Variants in EYS observed in about 807,000 individuals in gnomAD.
EYS encodes the protein EGF-like photoreceptor maintenance factor.
In EYS, 250 loss-of-function variants were observed where a neutral mutation model predicts 282.1. The ratio of observed to expected loss-of-function variants is 0.89; its 90% CI spans 0.80 to 0.98. EYS has a LOEUF of 0.98. EYS is among the 50% of genes least tolerant of loss of function. The probability of loss-of-function intolerance (pLI) is 0.00; values close to 1 mark genes in which losing one functional copy is unlikely to be tolerated. For synonymous variants in EYS, 1,355 were observed against 1,282.9 expected (o/e 1.06, Z -1.20); for missense variants, 4,016 against 3,709.0 (o/e 1.08, Z -2.15).
intron 12 of EYS, among the ~76,000 whole-genome samples, chr6:65,134,903 C>A (rs1775980391): frequency 6.6e-6 from 1 of 151,956 alleles, no homozygotes; most frequent in Admixed American, 6.6e-5. Context: ...GATACTCTTG[C>A]AACTGTCCAG....
chr6:64,783,872 C>A (rs577737700), intron 22 of EYS, among the ~76,000 whole-genome samples: 1 of 152,004 alleles, frequency 6.6e-6, no homozygotes, highest in Non-Finnish European at 1.5e-5. Flanking sequence ...CTTTAGGAAC[C>A]CTAGTTCAGT....
At chr6:64,915,497 T>C (rs972548635) in intron 15 of EYS, among the ~76,000 whole-genome samples, 2 of 152,126 alleles carry the variant, frequency 1.3e-5, no homozygotes, top group Non-Finnish European at 2.9e-5. Flanking sequence ...ATTGGTAATC[T>C]CAGAGAATTG....
chr6:64,935,120 TCAAC>T (rs1768863971), intron 15 of EYS, among the ~76,000 whole-genome samples: 2 of 151,732 alleles, frequency 1.3e-5, no homozygotes, highest in Non-Finnish European at 3.0e-5. Context: ...AATCTATAGG[TCAAC>T]CATTAAAAAT....
intron 5 of EYS, among the ~76,000 whole-genome samples, chr6:65,452,618 T>G (rs994269088): frequency 3.3e-5 from 5 of 152,092 alleles, no homozygotes; most frequent in Admixed American, 1.3e-4. Flanking sequence ...TTAGAAGATT[T>G]GCAGACTACT....
intron 35 of EYS, among the ~76,000 whole-genome samples, chr6:63,887,316 T>C (rs912103770): frequency 1.5e-5 from 2 of 136,628 alleles, no homozygotes; most frequent in Non-Finnish European, 3.0e-5. Flanking sequence ...TAAAAGGTGT[T>C]TTTTTTTTTT....
At chr6:64,463,159 G>T (rs767149308) in intron 26 of EYS, among the ~76,000 whole-genome samples, 1 of 151,890 alleles carries the variant, frequency 6.6e-6, no homozygotes, top group Admixed American at 6.6e-5. Flanking sequence ...CACCGTGTTA[G>T]CCAGGATGGT....
At chr6:65,375,912 C>A (rs2150345271) in intron 8 of EYS, among the ~76,000 whole-genome samples, 1 of 152,166 alleles carries the variant, frequency 6.6e-6, no homozygotes, top group Admixed American at 6.6e-5. Flanking sequence ...ACTGGGGTCC[C>A]TTAAAGTCAT....
intron 12 of EYS, 33 bp from the exon 13 acceptor site, chr6:65,057,760 T>C: frequency 7.5e-7 from 1 of 1,332,806 alleles, no homozygotes; most frequent in Non-Finnish European, 1.1e-6. Flanking sequence ...ATGTTAAGTG[T>C]TAACAAGACA....
At chr6:65,639,337 G>C (rs1767200710) in intron 2 of EYS, among the ~76,000 whole-genome samples, 1 of 151,986 alleles carries the variant, frequency 6.6e-6, no homozygotes, top group South Asian at 2.1e-4. Context: ...AAGTTATTAG[G>C]GAAGTAATAA....
chr6:64,959,867 G>A (rs912980089), intron 14 of EYS, among the ~76,000 whole-genome samples: 2 of 144,136 alleles, frequency 1.4e-5, no homozygotes, highest in Admixed American at 1.5e-4. Context: ...AGTAGTTCAC[G>A]ACTCAGGATT....
chr6:64,760,378 T>C (rs1229103636), intron 22 of EYS, among the ~76,000 whole-genome samples: 1 of 152,102 alleles, frequency 6.6e-6, no homozygotes, highest in East Asian at 1.9e-4. Context: ...CAGAAACCCC[T>C]CAGTCCTAGA....
At chr6:65,226,090 A>C (rs1194555160) in intron 12 of EYS, among the ~76,000 whole-genome samples, 1 of 152,092 alleles carries the variant, frequency 6.6e-6, no homozygotes, top group Non-Finnish European at 1.5e-5. Context: ...TTATATTTAA[A>C]GACTTCATGA....
At chr6:65,559,877 T>C (rs1212354908) in intron 2 of EYS, among the ~76,000 whole-genome samples, 2 of 151,826 alleles carry the variant, frequency 1.3e-5, no homozygotes, top group Admixed American at 6.6e-5. Context: ...AGCATTAATT[T>C]AGAATTTACA....
Position 64,591,990 on chromosome 6 carries a change from C to A in EYS, c.3878-1G>T. ...TTGACAATGCCTGTCTGTTTTGGAC[C>A]TACAAAAAGGAAAAAAGCCAAAAAG... On this transcript the variant is annotated splice_acceptor_variant, in intron 25 of 42. Coordinates refer to ENST00000503581, the MANE Select transcript of EYS (RefSeq NM_001142800.2). LOFTEE classifies it high-confidence loss of function. The A allele has an allele frequency of 1.4e-6, 2 of 1,455,824 alleles. No individual in the cohort carries two copies. The highest frequency in any genetic ancestry group is 1.8e-6 in the Non-Finnish European group (2 of 1,102,638). 90.2% of individuals were successfully genotyped at this position (1,455,824 alleles called of 1,614,324 possible). A position where few individuals can be genotyped will look rare whatever the true frequency, so the allele number is the denominator to read the frequency against.
In EYS at chr6:64,591,520, C is replaced by G. The variant is rs1582930118; in HGVS notation, c.4347G>C (p.Leu1449=). 3 of 1,551,128 alleles carry G rather than the reference C, an allele frequency of 1.9e-6. No individual in the cohort carries two copies. Among genetic ancestry groups the G allele is most frequent in the Admixed American group, 2.0e-5 (1 of 50,948 alleles). Residue 1449 remains leucine (L), a synonymous_variant, in exon 26 of 43, where the codon CTG becomes CTC. Transcript: ENST00000503581. ...NRQSLLSRGF[L]LIAASISATP... ...TTGCACTTATGGAGGCAGCTATAAG[C>G]AGGAATCCACGGGAGAGTAATGACT...
At chr6:64,751,410 C>T (rs1772750082) in intron 22 of EYS, among the ~76,000 whole-genome samples, 1 of 152,128 alleles carries the variant, frequency 6.6e-6, no homozygotes, top group African/African-American at 2.4e-5. Context: ...TTCTCCACTC[C>T]ACACCCGGGC....
intron 24 of EYS, among the ~76,000 whole-genome samples, chr6:64,608,530 G>C (rs1403033508): frequency 6.6e-6 from 1 of 152,156 alleles, no homozygotes; most frequent in African/African-American, 2.4e-5. Context: ...TAAACATACT[G>C]TTACTGTATA....
rs562542606 is a variant in EYS, at chr6:64,453,660, T to C, written c.5645-14308A>G. ...AAGAAAATGTGTCACATTTACACCA[T>C]GGGATACTATGCAGCCATAAAAAAT... On this transcript the variant is annotated intron_variant, in intron 26 of 42. Coordinates refer to ENST00000503581, the MANE Select transcript of EYS (RefSeq NM_001142800.2). Among the ~76,000 whole-genome samples, 10 of 152,286 alleles carry C rather than the reference T, an allele frequency of 6.6e-5. No homozygotes were observed. In the East Asian group the frequency reaches 1.9e-3, roughly 29 times the overall value.
chr6:64,444,066 AC>A (rs1369525932), intron 26 of EYS, among the ~76,000 whole-genome samples: 1 of 151,948 alleles, frequency 6.6e-6, no homozygotes, highest in African/African-American at 2.4e-5. Flanking sequence ...GTACTATTCC[AC>A]CATGACAATG....
Sources: allele counts gnomAD v4.1 joint callset (sites outside exome capture counted in the v4.1 genomes callset), GRCh38; gene constraint gnomAD v4.1.1; transcripts MANE v1.5; gene names NCBI Gene and HGNC (gene_info 2026-07-23, HGNC 2026-07-21).